Variants in AGBL4 observed in about 807,000 individuals in gnomAD.
AGBL4 encodes the protein AGBL carboxypeptidase 4, also known as cytosolic carboxypeptidase 6.
Under a neutral mutation model 66.4 loss-of-function variants are expected in AGBL4, and 58 were observed. The ratio of observed to expected loss-of-function variants is 0.87; its 90% CI spans 0.71 to 1.09. The LOEUF (loss-of-function observed/expected upper bound fraction) is 1.09. Among genes scored for constraint, AGBL4 ranks in the 50% least tolerant of loss-of-function variants. AGBL4 has a pLI of 0.00. For synonymous variants in AGBL4, 234 were observed against 222.9 expected (o/e 1.05, Z -0.44); for missense variants, 579 against 631.0 (o/e 0.92, Z 0.88).
At chr1:48,590,773 G>A (rs953364024) in intron 10 of AGBL4, 60 bp downstream of exon 10, 23 of 1,517,146 alleles carry the variant, frequency 1.5e-5, no homozygotes, top group Admixed American at 1.3e-4. Flanking sequence ...GAGTGAGAAG[G>A]AAGACGGGGA....
chr1:48,575,107 G>C (rs1254314142), intron 11 of AGBL4, among the ~76,000 whole-genome samples: 1 of 152,108 alleles, frequency 6.6e-6, no homozygotes, highest in African/African-American at 2.4e-5. Flanking sequence ...ATGGGATCTC[G>C]GGCAGGGTAG....
intron 3 of AGBL4, among the ~76,000 whole-genome samples, chr1:49,272,514 C>T (rs566456170): frequency 2.0e-4 from 31 of 152,216 alleles, no homozygotes; most frequent in Admixed American, 5.9e-4. Context: ...CTTCTTATGT[C>T]TAACACACCT....
intron 2 of AGBL4, chr1:49,846,150 A>G: frequency 6.8e-7 from 1 of 1,461,718 alleles, no homozygotes; most frequent in South Asian, 1.1e-5. Context: ...ACCAAGGAAA[A>G]GCCCTATGGG....
intron 3 of AGBL4, among the ~76,000 whole-genome samples, chr1:49,521,813 C>G (rs1384362195): frequency 6.6e-6 from 1 of 151,992 alleles, no homozygotes; most frequent in South Asian, 2.1e-4. Flanking sequence ...CAAGTGGGAC[C>G]TAATTAAACT....
intron 3 of AGBL4, among the ~76,000 whole-genome samples, chr1:49,507,754 T>C (rs891375598): frequency 1.3e-5 from 2 of 151,876 alleles, no homozygotes; most frequent in African/African-American, 4.8e-5. Context: ...TAGTAATGAT[T>C]TTAAGAATAA....
intron 2 of AGBL4, among the ~76,000 whole-genome samples, chr1:49,803,542 G>T (rs1303190810): frequency 6.6e-6 from 1 of 152,144 alleles, no homozygotes; most frequent in East Asian, 1.9e-4. Flanking sequence ...ATTTTATAAA[G>T]ATTTGGAATC....
intron 4 of AGBL4, among the ~76,000 whole-genome samples, chr1:49,065,501 TG>T (rs992668952): frequency 2.6e-5 from 4 of 152,196 alleles, no homozygotes; most frequent in Admixed American, 2.6e-4. Flanking sequence ...AGGTTTCATG[TG>T]GGAATAATTG....
In AGBL4 at chr1:49,069,931, G is replaced by A. The variant is rs185316518; in HGVS notation, c.378-24131C>T. Among the ~76,000 whole-genome samples, 153 of 151,880 alleles carry A rather than the reference G, an allele frequency of 1.0e-3. 2 individuals are homozygous for A. The highest frequency in any genetic ancestry group is 6.8e-3 in the Middle Eastern group (2 of 292). On this transcript the variant is annotated intron_variant, in intron 4 of 13. Coordinates refer to ENST00000371839, the MANE Select transcript of AGBL4 (RefSeq NM_032785.4). ...CTTGAGCAGTGGTCTGTAGTTCTCC[G>A]TGAAGCGGTCCTTCACATCCCTTGT... is the stretch of plus-strand genomic sequence containing the variant.
intron 3 of AGBL4, among the ~76,000 whole-genome samples, chr1:49,332,009 C>G (rs1415630946): frequency 6.6e-6 from 1 of 152,202 alleles, no homozygotes; most frequent in Non-Finnish European, 1.5e-5. Flanking sequence ...AGAGTCCAAG[C>G]TGACCAGGGC....
intron 3 of AGBL4, among the ~76,000 whole-genome samples, chr1:49,307,612 T>C (rs1644870395): frequency 6.6e-6 from 1 of 152,194 alleles, no homozygotes; most frequent in Non-Finnish European, 1.5e-5. Context: ...TGCAAATGCC[T>C]ACTAGTGCTA....
At chr1:48,867,081 G>T (rs912074658) in intron 6 of AGBL4, 110 bp downstream of exon 6, 5 of 1,215,370 alleles carry the variant, frequency 4.1e-6, no homozygotes, top group Non-Finnish European at 6.0e-6. Context: ...GAGTTCTGCC[G>T]TTCATTCAGG....
At chr1:49,999,910 C>T (rs937307162) in intron 1 of AGBL4, among the ~76,000 whole-genome samples, 1 of 152,092 alleles carries the variant, frequency 6.6e-6, no homozygotes, top group Non-Finnish European at 1.5e-5. Flanking sequence ...TCACCCTATA[C>T]AAAAACCAAC....
chr1:48,693,051 C>A (rs1646658424), intron 6 of AGBL4, among the ~76,000 whole-genome samples: 1 of 152,196 alleles, frequency 6.6e-6, no homozygotes, highest in South Asian at 2.1e-4. Context: ...TCCTAGGTCA[C>A]CTGGCTTTGC....
intron 8 of AGBL4, chr1:48,647,751 G>T: frequency 3.0e-6 from 1 of 328,792 alleles, no homozygotes; most frequent in South Asian, 2.4e-5. Flanking sequence ...TTTCTTCTCT[G>T]CAAAAGAAGT....
chr1:49,275,960 T>C (rs938577969), intron 3 of AGBL4, among the ~76,000 whole-genome samples: 9 of 152,160 alleles, frequency 5.9e-5, no homozygotes, highest in African/African-American at 2.2e-4. Flanking sequence ...AGTCAAACTA[T>C]AACCCAGAAA....
chr1:49,434,033 C>A (rs973874465), intron 3 of AGBL4, among the ~76,000 whole-genome samples: 26 of 152,118 alleles, frequency 1.7e-4, no homozygotes, highest in Non-Finnish European at 3.7e-4. Flanking sequence ...GAGGATCGTG[C>A]TATACACTTT....
At chr1:49,164,042 T>C (rs1048401531) in intron 4 of AGBL4, among the ~76,000 whole-genome samples, 5 of 152,098 alleles carry the variant, frequency 3.3e-5, no homozygotes, top group African/African-American at 1.2e-4. Context: ...AGTGAAGAAT[T>C]TATTGTGAAT....
Position 48,880,253 on chromosome 1 carries a change from A to G in AGBL4, c.595-13023T>C, listed in dbSNP as rs182012357. Among the ~76,000 whole-genome samples the G allele has an allele frequency of 4.7e-4, 71 of 152,336 alleles. 1 individual carries two copies. In the South Asian group the frequency reaches 9.7e-3, roughly 21 times the overall value. On this transcript the variant is annotated intron_variant, in intron 5 of 13. Transcript: ENST00000371839. Reference sequence around the variant, plus strand: ...ATTCCTGAGTTACTTCACTCAGAATAATAGTCTCCAATCTTATCCAGGTCA... The same window carrying G: ...ATTCCTGAGTTACTTCACTCAGAATGATAGTCTCCAATCTTATCCAGGTCA...
At chr1:48,891,840 C>T (rs1204016755) in intron 5 of AGBL4, among the ~76,000 whole-genome samples, 2 of 152,250 alleles carry the variant, frequency 1.3e-5, no homozygotes, top group African/African-American at 4.8e-5. Context: ...GATGGTCAGA[C>T]ACCCAACCCT....
Sources: gnomAD v4.1 joint callset for allele counts (sites outside exome capture counted in the v4.1 genomes callset) on GRCh38, gnomAD v4.1.1 for gene constraint, MANE v1.5 for transcripts, NCBI Gene and HGNC (gene_info 2026-07-23, HGNC 2026-07-21) for gene names.